Variants in PITPNC1 observed in about 807,000 individuals in gnomAD.
PITPNC1 encodes cytoplasmic phosphatidylinositol transfer protein 1.
PITPNC1 carries 18 observed loss-of-function variants against 44.7 expected under a neutral mutation model. The ratio of observed to expected loss-of-function variants is 0.40; its 90% CI spans 0.28 to 0.60. The LOEUF (loss-of-function observed/expected upper bound fraction) is 0.60, where lower values mean the gene tolerates loss of function less well. Ranked by LOEUF, PITPNC1 falls within the 20% of genes least tolerant of loss-of-function variation. PITPNC1 has a pLI of 0.39. For synonymous variants in PITPNC1, 141 were observed against 149.6 expected (o/e 0.94, Z 0.42); for missense variants, 290 against 418.4 (o/e 0.69, Z 2.68).
At position 67,407,508 on chromosome 17, in the gene PITPNC1, A is replaced by C. The variant is rs185157879; in HGVS notation, c.48+29306A>C. ...TTAAAACACAAAAGTTTTAAATTTA[A>C]AAATCTAAAATAAGGCCGACGTGGT... On this transcript the variant is annotated intron_variant, in intron 1 of 8. Coordinates refer to ENST00000581322, the MANE Select transcript of PITPNC1 (RefSeq NM_012417.4). Among the ~76,000 whole-genome samples, 585 of 152,294 alleles carry C rather than the reference A, an allele frequency of 3.8e-3. 2 individuals are homozygous for C. Among genetic ancestry groups the C allele is most frequent in the African/African-American group, 0.014 (571 of 41,558 alleles).
rs2041474490 is a variant in PITPNC1 at position 67,597,448 on chromosome 17, G to A, written c.366+19191G>A. The stretch of plus-strand genomic sequence containing the variant: ...ACACACCTGTAATCACAGCTACTCA[G>A]GAGGCTGAGGCAGGAGAATCACTTG... On this transcript the variant is annotated intron_variant, in intron 5 of 8. Transcript: ENST00000581322. The surrounding 1 kb of genome is among the most constrained non-coding windows in gnomAD (Gnocchi z 4.0). Among the ~76,000 whole-genome samples, 1 of 152,094 alleles carries A rather than the reference G, an allele frequency of 6.6e-6. No homozygotes were observed. Among genetic ancestry groups the A allele is most frequent in the Non-Finnish European group, 1.5e-5 (1 of 68,024 alleles).
At chr17:67,493,521 C>T (rs536477617) in intron 1 of PITPNC1, among the ~76,000 whole-genome samples, 1 of 152,154 alleles carries the variant, frequency 6.6e-6, no homozygotes, top group Non-Finnish European at 1.5e-5. Context: ...TCTAAATATT[C>T]TGCTTTGATA....
intron 1 of PITPNC1, among the ~76,000 whole-genome samples, chr17:67,448,562 A>G (rs1044883360): frequency 6.6e-6 from 1 of 152,018 alleles, no homozygotes; most frequent in African/African-American, 2.4e-5. Context: ...ACCTTGATTA[A>G]TCTCACCTCC....
chr17:67,599,034 A>ATATATATATATATATATTTTT (rs1461493250), intron 5 of PITPNC1, among the ~76,000 whole-genome samples: 1 of 35,672 alleles, frequency 2.8e-5, no homozygotes, highest in Non-Finnish European at 4.9e-5. Flanking sequence ...ATATATATAT[A>ATATATATATATATATATTTTT]TTTTTTTTTT....
intron 1 of PITPNC1, among the ~76,000 whole-genome samples, chr17:67,512,099 G>A (rs2040191260): frequency 6.6e-6 from 1 of 152,194 alleles, no homozygotes. Flanking sequence ...GCTAGAGAGT[G>A]ATGTCCAGCT....
At chr17:67,531,781 G>A (rs1301591383) in intron 1 of PITPNC1, among the ~76,000 whole-genome samples, 2 of 152,156 alleles carry the variant, frequency 1.3e-5, no homozygotes, top group African/African-American at 2.4e-5. Flanking sequence ...GGCGTCGGTG[G>A]TAATGACCCA....
Position 67,655,891 on chromosome 17 carries a change from C to G in PITPNC1, c.463-13617C>G, listed in dbSNP as rs186873911. On this transcript the variant is annotated intron_variant, in intron 6 of 8. Transcript: ENST00000581322. ...GCTGCAGTGAGCTGTGATGGCACCA[C>G]TGCACTCCAGCCTGGGAGATAAGAG... 1.5e-4 allele frequency among the ~76,000 whole-genome samples: 23 copies of G among 152,290 alleles called. No individual in the cohort carries two copies. In the East Asian group the frequency reaches 4.4e-3, roughly 29 times the overall value.
intron 1 of PITPNC1, among the ~76,000 whole-genome samples, chr17:67,513,375 C>CTA (rs1354095631): frequency 1.4e-5 from 2 of 142,028 alleles, no homozygotes; most frequent in African/African-American, 5.7e-5. Context: ...ATATCTATAT[C>CTA]TATATCTATA....
At chr17:67,544,301 C>G (rs2040648437) in intron 2 of PITPNC1, among the ~76,000 whole-genome samples, 1 of 152,154 alleles carries the variant, frequency 6.6e-6, no homozygotes, top group African/African-American at 2.4e-5. Context: ...AACCTGTCAC[C>G]CAGAAACATA....
chr17:67,647,815 C>G (rs1412048644), intron 6 of PITPNC1, among the ~76,000 whole-genome samples: 1 of 152,092 alleles, frequency 6.6e-6, no homozygotes, highest in East Asian at 1.9e-4. Context: ...CACTTCAAAG[C>G]CTCCTCAGTT....
At chr17:67,640,533 A>G (rs1383089344) in intron 6 of PITPNC1, among the ~76,000 whole-genome samples, 1 of 151,316 alleles carries the variant, frequency 6.6e-6, no homozygotes, top group African/African-American at 2.4e-5. Flanking sequence ...TACAAAAATT[A>G]GCCACGTATG....
At chr17:67,445,565 T>C (rs1360726058) in intron 1 of PITPNC1, among the ~76,000 whole-genome samples, 2 of 151,974 alleles carry the variant, frequency 1.3e-5, no homozygotes, top group Non-Finnish European at 2.9e-5. Flanking sequence ...TCTCCTTTAG[T>C]AGCAAAAGGA....
intron 1 of PITPNC1, among the ~76,000 whole-genome samples, chr17:67,390,509 A>G (rs1457595155): frequency 6.6e-6 from 1 of 152,248 alleles, no homozygotes; most frequent in African/African-American, 2.4e-5. Context: ...TTAGCAGAAT[A>G]AATCCCAGAA....
chr17:67,422,530 T>C (rs1032227291), intron 1 of PITPNC1, among the ~76,000 whole-genome samples: 1 of 152,188 alleles, frequency 6.6e-6, no homozygotes, highest in Non-Finnish European at 1.5e-5. Context: ...TGCCCAGCCC[T>C]AGCTTGCTCA....
intron 1 of PITPNC1, among the ~76,000 whole-genome samples, chr17:67,472,571 C>T (rs1429812893): frequency 6.7e-6 from 1 of 150,180 alleles, no homozygotes; most frequent in East Asian, 2.0e-4. Context: ...GGTGTGAATC[C>T]AGGAGGAGGA....
Position 67,669,630 on chromosome 17 carries a change from G to T in PITPNC1, c.585G>T (p.Gly195=). 6.2e-7 allele frequency: 1 copy of T among 1,601,004 alleles called. No individual in the cohort carries two copies. Among genetic ancestry groups the T allele is most frequent in the East Asian group, 2.2e-5 (1 of 44,528 alleles). Residue 195 remains glycine, a synonymous_variant, in exon 7 of 9, where the codon GGG becomes GGT. Coordinates refer to ENST00000581322, the MANE Select transcript of PITPNC1 (RefSeq NM_012417.4). ...TGACTGTGAAGTTTGAGGTCTGGGG[G>T]CTTCAGACCAGAGTGGAACAATTTG... ...KLVTVKFEVW[G]LQTRVEQFVH...
chr17:67,587,982 T>C (rs889354802), intron 5 of PITPNC1, among the ~76,000 whole-genome samples: 4 of 152,098 alleles, frequency 2.6e-5, no homozygotes, highest in Non-Finnish European at 5.9e-5. Context: ...GCTATGACAA[T>C]AGCCATCGTG....
chr17:67,679,783 C>T (rs1026416613), intron 8 of PITPNC1, among the ~76,000 whole-genome samples: 2 of 152,112 alleles, frequency 1.3e-5, no homozygotes, highest in South Asian at 2.1e-4. Context: ...ACGACTAGAA[C>T]GCTAATCAGA....
At chr17:67,438,603 ACCGTGCCCAGCTGGG>A (rs1159111009) in intron 1 of PITPNC1, among the ~76,000 whole-genome samples, 1 of 152,228 alleles carries the variant, frequency 6.6e-6, no homozygotes, top group Non-Finnish European at 1.5e-5. Flanking sequence ...GGCGTGAGCC[ACCGTGCCCAGCTGGG>A]CCTAAGTGAC....
Sources: allele counts gnomAD v4.1 joint callset (sites outside exome capture counted in the v4.1 genomes callset), GRCh38; gene constraint gnomAD v4.1.1; non-coding constraint Gnocchi (gnomAD v3.1); transcripts MANE v1.5; gene names NCBI Gene and HGNC (gene_info 2026-07-23, HGNC 2026-07-21).